Variants in PCLO observed in about 807,000 individuals in gnomAD.
The protein encoded by PCLO is protein piccolo.
PCLO carries 82 observed loss-of-function variants against 427.5 expected under a neutral mutation model. The ratio of observed to expected loss-of-function variants is 0.19; its 90% confidence interval spans 0.16 to 0.23. PCLO has a LOEUF of 0.23. PCLO is among the 10% of genes least tolerant of loss of function. The pLI is 1.00. For synonymous variants in PCLO, 2,357 were observed against 2,155.4 expected, an observed-to-expected ratio of 1.09 and a Z score of -2.59; for missense variants, 6,239 against 6,115.9, an observed-to-expected ratio of 1.02 and a Z score of -0.67.
intron 22 of PCLO, among the ~76,000 whole-genome samples, chr7:82,790,710 G>A (rs1034292990): frequency 1.3e-5 from 2 of 152,250 alleles, no homozygotes; most frequent in South Asian, 2.1e-4. Flanking sequence ...AGATCCAGCT[G>A]CGCTTGTGAA....
intron 9 of PCLO, among the ~76,000 whole-genome samples, chr7:82,899,335 T>C (rs999733758): frequency 6.6e-6 from 1 of 151,512 alleles, no homozygotes; most frequent in Non-Finnish European, 1.5e-5. Flanking sequence ...CCAGGAAATA[T>C]TCAGTGCCAG....
At chr7:83,045,047 A>C (rs1789070873) in intron 3 of PCLO, among the ~76,000 whole-genome samples, 1 of 152,204 alleles carries the variant, frequency 6.6e-6, no homozygotes, top group Non-Finnish European at 1.5e-5. Flanking sequence ...TGATAGTTGT[A>C]AAATCTGACT....
chr7:83,008,828 A>G (rs1304209047), intron 3 of PCLO, among the ~76,000 whole-genome samples: 2 of 151,698 alleles, frequency 1.3e-5, no homozygotes, highest in Non-Finnish European at 3.0e-5. Flanking sequence ...TGAATATATG[A>G]TATATATCAT....
chr7:83,088,702 G>A (rs1790300848), intron 3 of PCLO, among the ~76,000 whole-genome samples: 1 of 152,066 alleles, frequency 6.6e-6, no homozygotes, highest in South Asian at 2.1e-4. Flanking sequence ...TCATTGGCCA[G>A]CATGTTCAGC....
chr7:82,957,835 G>C (rs1795563543), intron 4 of PCLO, among the ~76,000 whole-genome samples: 1 of 152,140 alleles, frequency 6.6e-6, no homozygotes, highest in Admixed American at 6.6e-5. Context: ...GTGAGCGGGA[G>C]CATGGGCTTT....
At chr7:82,817,781 T>C (rs1791708340) in intron 20 of PCLO, among the ~76,000 whole-genome samples, 1 of 152,146 alleles carries the variant, frequency 6.6e-6, no homozygotes, top group Non-Finnish European at 1.5e-5. Context: ...ATTTATTGTC[T>C]CACCTAATCT....
intron 3 of PCLO, among the ~76,000 whole-genome samples, chr7:83,032,145 T>C (rs1788684189): frequency 6.6e-6 from 1 of 152,182 alleles, no homozygotes; most frequent in African/African-American, 2.4e-5. Context: ...GGTATCCCTT[T>C]GCCTATCAAA....
intron 16 of PCLO, among the ~76,000 whole-genome samples, chr7:82,832,977 C>G (rs1792133901): frequency 6.6e-6 from 1 of 152,118 alleles, no homozygotes; most frequent in South Asian, 2.1e-4. Context: ...CCTCTTTGCT[C>G]TCTGATGGCA....
At chr7:82,802,578 A>G (rs1270169184) in intron 21 of PCLO, among the ~76,000 whole-genome samples, 3 of 152,140 alleles carry the variant, frequency 2.0e-5, no homozygotes, top group Admixed American at 6.5e-5. Flanking sequence ...TTGCCTTTAT[A>G]TGTGCTTAGA....
In PCLO at chr7:83,030,628, G is replaced by T. The variant is rs994939662; in HGVS notation, c.3301-64141C>A. Among the ~76,000 whole-genome samples, 4 of 152,156 alleles carry T rather than the reference G, an allele frequency of 2.6e-5. No individual in the cohort carries two copies. In the East Asian group the frequency reaches 7.7e-4, roughly 29 times the overall value. ...CACCCCAGAAGCAAATTTTAAGGTTGCAAGGAAAAGATGAGAAGCCATGTA... is the reference window on the plus strand; with the variant it reads ...CACCCCAGAAGCAAATTTTAAGGTTTCAAGGAAAAGATGAGAAGCCATGTA... On this transcript the variant is annotated intron_variant, in intron 3 of 24. Transcript: ENST00000333891.
At chr7:82,845,518 T>A in intron 12 of PCLO, 33 bp from the exon 13 acceptor site, 1 of 1,418,220 alleles carries the variant, frequency 7.1e-7, no homozygotes, top group Non-Finnish European at 9.9e-7. Context: ...TACATACTTC[T>A]CCATTTCATA....
At chr7:82,992,995 C>T (rs1216326929) in intron 3 of PCLO, among the ~76,000 whole-genome samples, 1 of 151,936 alleles carries the variant, frequency 6.6e-6, no homozygotes, top group Non-Finnish European at 1.5e-5. Flanking sequence ...TCAATATGTG[C>T]TCAGTATTGT....
At chr7:82,999,161 G>GA (rs35297512) in intron 3 of PCLO, among the ~76,000 whole-genome samples, 1,277 of 115,684 alleles carry the variant, frequency 0.011, 10 homozygotes, top group South Asian at 0.023. Flanking sequence ...AATGAAGACT[G>GA]AAAAAAAAAA....
At chr7:83,017,894 G>C (rs1788248409) in intron 3 of PCLO, 1 of 151,984 alleles carries the variant, frequency 6.6e-6, no homozygotes. Flanking sequence ...AAAACTCTGT[G>C]ATTATTTATA....
intron 3 of PCLO, among the ~76,000 whole-genome samples, chr7:83,042,091 G>A (rs888328444): frequency 1.2e-4 from 18 of 152,102 alleles, no homozygotes; most frequent in Middle Eastern, 3.4e-3. Flanking sequence ...TAAAACATTT[G>A]TTTTGAAAAT....
Position 82,951,348 on chromosome 7 carries a change from A to T in PCLO, c.9240T>A (p.Ser3080Arg). The change falls in exon 6 of 25, where the codon AGT becomes AGA. Residue 3080 changes from serine (S) to arginine (R), a missense_variant. Physicochemically the swap from Ser to Arg is moderately radical, Grantham distance 110. Around this residue, in one of 5 missense-constraint regions of PCLO, gnomAD observed 4,677 missense variants for 4,468.4 expected, o/e 1.05. Coordinates refer to ENST00000333891, the MANE Select transcript of PCLO (RefSeq NM_033026.6). ...CAACACCATTAGATGACCTCAAAAC[A>T]CTCCCCACACAATACTGGGGTCCTG... is the stretch of plus-strand genomic sequence containing the variant. Reference protein sequence around the residue: ...PPPGPQYCVGSVLRSSNGVVY... With the variant: ...PPPGPQYCVGRVLRSSNGVVY... 6.2e-7 allele frequency: 1 copy of T among 1,607,840 alleles called. No individual in the cohort carries two copies. The highest frequency in any genetic ancestry group is 8.5e-7 in the Non-Finnish European group (1 of 1,177,086).
In PCLO at chr7:83,113,764, T is replaced by C. The variant is rs190115932; in HGVS notation, c.3300+20486A>G. On this transcript the variant is annotated intron_variant, in intron 3 of 24. Transcript: ENST00000333891. ...CAATAAATTACTGAATGAACAATTA[T>C]GTTAAAAGATATTAAGTGCTACAAA... Among the ~76,000 whole-genome samples, 156 of 152,138 alleles carry C rather than the reference T, an allele frequency of 1.0e-3. 1 individual carries two copies. Among genetic ancestry groups the C allele is most frequent in the Non-Finnish European group, 8.2e-4 (56 of 67,986 alleles).
At chr7:83,093,954 C>G (rs1390438995) in intron 3 of PCLO, among the ~76,000 whole-genome samples, 2 of 150,948 alleles carry the variant, frequency 1.3e-5, no homozygotes, top group African/African-American at 4.9e-5. Context: ...TAATATCTTG[C>G]AAAACCACAG....
chr7:82,915,945 C>A lies in PCLO; in HGVS notation c.12041G>T (p.Gly4014Val). ...TGCCATGCTACTTCTTTCCTCCAAA[C>A]CTATTCTCAAGTCTAAACTATTGTA... Reference protein sequence around the residue: ...SKYNSLDLRIGLEERSSMASS... With the variant: ...SKYNSLDLRIVLEERSSMASS... Residue 4014 changes from glycine to valine, a missense_variant, in exon 7 of 25, where the codon GGT becomes GTT. Transcript: ENST00000333891. 1 of 1,613,126 alleles carries A rather than the reference C, an allele frequency of 6.2e-7. No homozygotes were observed. The highest frequency in any genetic ancestry group is 8.5e-7 in the Non-Finnish European group (1 of 1,179,764).
Sources: gnomAD v4.1 joint callset for allele counts (sites outside exome capture counted in the v4.1 genomes callset) on GRCh38, gnomAD v4.1.1 for gene constraint, gnomAD v4.1.1 regional missense constraint, MANE v1.5 for transcripts, NCBI Gene and HGNC (gene_info 2026-07-23, HGNC 2026-07-21) for gene names.